Variants in FBXL13 observed in about 807,000 individuals in gnomAD.
The protein encoded by FBXL13 is F-box and leucine rich repeat protein 13.
In FBXL13, 67 loss-of-function variants were observed where a neutral mutation model predicts 83.6. The ratio of observed to expected loss-of-function variants is 0.80; its 90% CI spans 0.66 to 0.98. The LOEUF is 0.98. Among genes scored for constraint, FBXL13 ranks in the 50% least tolerant of loss-of-function variants. The pLI is 0.00. For synonymous variants in FBXL13, 272 were observed against 299.5 expected (o/e 0.91, Z 0.95); for missense variants, 822 against 866.5 (o/e 0.95, Z 0.64).
At chr7:103,066,576 G>A (rs1798413894) in intron 1 of FBXL13, among the ~76,000 whole-genome samples, 1 of 151,450 alleles carries the variant, frequency 6.6e-6, no homozygotes, top group Non-Finnish European at 1.5e-5. Context: ...TGTATTTTTA[G>A]TAGAGACGAG....
At chr7:102,939,441 G>T in intron 8 of FBXL13, 3 of 1,604,882 alleles carry the variant, frequency 1.9e-6, no homozygotes, top group Middle Eastern at 1.7e-4. Flanking sequence ...GTTGAAAAAA[G>T]TGCCAAACAA....
intron 16 of FBXL13, among the ~76,000 whole-genome samples, chr7:102,868,991 T>C (rs1312760435): frequency 6.6e-6 from 1 of 152,188 alleles, no homozygotes; most frequent in African/African-American, 2.4e-5. Context: ...TTTGGATATA[T>C]ACCAAGTAGT....
intron 17 of FBXL13, among the ~76,000 whole-genome samples, chr7:102,849,357 C>T (rs1804761791): frequency 6.6e-6 from 1 of 152,226 alleles, no homozygotes; most frequent in Non-Finnish European, 1.5e-5. Flanking sequence ...GCTCCAGACA[C>T]TGACTCTGCG....
chr7:102,844,901 A>G (rs1221171952), intron 17 of FBXL13, among the ~76,000 whole-genome samples: 1 of 152,174 alleles, frequency 6.6e-6, no homozygotes, highest in African/African-American at 2.4e-5. Context: ...TCAGGGAAAC[A>G]TGTTTACCAG....
intron 8 of FBXL13, among the ~76,000 whole-genome samples, chr7:102,932,690 G>T (rs1367325717): frequency 6.7e-6 from 1 of 149,494 alleles, no homozygotes; most frequent in Non-Finnish European, 1.5e-5. Flanking sequence ...AACCTCCCAG[G>T]CTCAGGCGAT....
chr7:102,981,948 T>C (rs1231701204), intron 6 of FBXL13, among the ~76,000 whole-genome samples: 1 of 152,134 alleles, frequency 6.6e-6, no homozygotes, highest in African/African-American at 2.4e-5. Context: ...AATGGGTCTG[T>C]AATCCCAGCA....
At chr7:102,836,236 T>A (rs542300019) in intron 17 of FBXL13, among the ~76,000 whole-genome samples, 1 of 152,356 alleles carries the variant, frequency 6.6e-6, no homozygotes, top group Non-Finnish European at 1.5e-5. Flanking sequence ...GATACATTCA[T>A]GGTACCATTC....
chr7:103,069,256 G>A (rs1798696961), intron 1 of FBXL13, among the ~76,000 whole-genome samples: 1 of 152,108 alleles, frequency 6.6e-6, no homozygotes, highest in Non-Finnish European at 1.5e-5. Context: ...GGGAAGTGAG[G>A]AGCGCCTCTA....
At chr7:102,839,353 C>T (rs556854856) in intron 17 of FBXL13, among the ~76,000 whole-genome samples, 7 of 152,284 alleles carry the variant, frequency 4.6e-5, no homozygotes, top group East Asian at 1.9e-4. Context: ...ACTCAGAGAC[C>T]GGTGCTGGTG....
At chr7:103,030,311 C>T (rs1013508715) in intron 2 of FBXL13, among the ~76,000 whole-genome samples, 1 of 152,138 alleles carries the variant, frequency 6.6e-6, no homozygotes, top group Non-Finnish European at 1.5e-5. Context: ...GCCCATAGGA[C>T]CCCCGACATG....
At chr7:103,068,081 G>A (rs1261249483) in intron 1 of FBXL13, among the ~76,000 whole-genome samples, 2 of 152,196 alleles carry the variant, frequency 1.3e-5, no homozygotes, top group African/African-American at 4.8e-5. Context: ...TTAAGAGTAT[G>A]ACCATAGAAG....
chr7:103,013,999 T>C (rs1791954946), intron 6 of FBXL13, among the ~76,000 whole-genome samples: 1 of 152,106 alleles, frequency 6.6e-6, no homozygotes, highest in Non-Finnish European at 1.5e-5. Context: ...CAGAGATTAT[T>C]ATGAACACTT....
At chr7:103,015,069 C>T (rs1053070626) in intron 6 of FBXL13, among the ~76,000 whole-genome samples, 13 of 151,788 alleles carry the variant, frequency 8.6e-5, no homozygotes, top group Admixed American at 3.3e-4. Context: ...TGTGATACAC[C>T]ACAAAAACAG....
At chr7:102,953,472 T>A (rs576610764) in intron 8 of FBXL13, among the ~76,000 whole-genome samples, 1 of 152,138 alleles carries the variant, frequency 6.6e-6, no homozygotes, top group South Asian at 2.1e-4. Flanking sequence ...CCTTTTATAA[T>A]AAGAACACTC....
chr7:103,010,907 T>C (rs951883703), intron 6 of FBXL13, among the ~76,000 whole-genome samples: 6 of 152,104 alleles, frequency 3.9e-5, no homozygotes, highest in African/African-American at 1.2e-4. Flanking sequence ...AACATGGGCA[T>C]GGAGAGAGTA....
intron 16 of FBXL13, among the ~76,000 whole-genome samples, chr7:102,860,964 A>G (rs977788463): frequency 2.6e-5 from 4 of 151,134 alleles, no homozygotes; most frequent in African/African-American, 9.7e-5. Context: ...ATACATATGC[A>G]TAGTTTATAT....
At chr7:102,931,577 T>A (rs1819179984) in intron 9 of FBXL13, among the ~76,000 whole-genome samples, 1 of 152,192 alleles carries the variant, frequency 6.6e-6, no homozygotes, top group Non-Finnish European at 1.5e-5. Context: ...GAGCCTATCA[T>A]GTCTACTGGG....
At chr7:103,032,692 C>T (rs1794629387) in intron 2 of FBXL13, among the ~76,000 whole-genome samples, 1 of 152,124 alleles carries the variant, frequency 6.6e-6, no homozygotes. Context: ...ATAACATTGG[C>T]CTAAATCTAA....
chr7:103,004,851 G>A (rs186086093), intron 6 of FBXL13, among the ~76,000 whole-genome samples: 2 of 152,132 alleles, frequency 1.3e-5, no homozygotes, highest in African/African-American at 2.4e-5. Context: ...ATTTTCAGAG[G>A]GGGAGAGTGA....
Sources: gnomAD v4.1 joint callset for allele counts (sites outside exome capture counted in the v4.1 genomes callset) on GRCh38, gnomAD v4.1.1 for gene constraint, MANE v1.5 for transcripts, NCBI Gene and HGNC (gene_info 2026-07-23, HGNC 2026-07-21) for gene names.